The following AHCTF1 variants were observed in gnomAD, a reference collection of about 807,000 sequenced individuals.
The protein encoded by AHCTF1 is protein ELYS.
A neutral mutation model predicts 248.4 loss-of-function variants in AHCTF1; 24 were observed. The observed-to-expected ratio is 0.10, with a 90% confidence interval of 0.07 to 0.14. The LOEUF is 0.14. Among genes scored for constraint, AHCTF1 ranks in the 10% least tolerant of loss-of-function variants. The pLI is 1.00. For missense variants in AHCTF1, 2,206 were observed against 2,636.2 expected, an observed-to-expected ratio of 0.84 and a Z score of 3.57; for synonymous variants, 786 against 929.8, an observed-to-expected ratio of 0.85 and a Z score of 2.81.
At chr1:246,882,866 T>A (rs554392378) in intron 21 of AHCTF1, among the ~76,000 whole-genome samples, 1 of 152,336 alleles carries the variant, frequency 6.6e-6, no homozygotes, top group South Asian at 2.1e-4. Context: ...GCATGAAGTT[T>A]TAGAGAAATG....
In AHCTF1 at chr1:246,877,055, G is replaced by A. The variant is rs373438051; in HGVS notation, c.2832C>T (p.Ser944=). ...EQECLVKFLQ[S]SASVQNHEFL... ...ATTCATGATTCTGAACGCTGGCACT[G>A]GACTGCAAAAATTTCACTAAACATT... The change falls in exon 23 of 36, where the codon TCC becomes TCT. Residue 944 remains serine, a synonymous_variant. Transcript: ENST00000648844. The A allele has an allele frequency of 6.2e-6, 10 of 1,612,104 alleles. No individual in the cohort carries two copies. The highest frequency in any genetic ancestry group is 8.5e-6 in the Non-Finnish European group (10 of 1,179,934).
intron 33 of AHCTF1, among the ~76,000 whole-genome samples, chr1:246,847,750 G>C (rs1043948124): frequency 2.6e-5 from 4 of 152,240 alleles, no homozygotes; most frequent in Admixed American, 6.5e-5. Flanking sequence ...GTTAAAATTA[G>C]TAGGTACAGA....
rs1659965579 is a variant in AHCTF1, at chr1:246,842,694, T to G, written c.6608A>C (p.Lys2203Thr). Residue 2203 changes from lysine (K) to threonine (T), a missense_variant and splice_region_variant, in exon 35 of 36, where the codon AAA becomes ACA. This residue lies in a region of AHCTF1 where 469 missense variants were observed against 470.0 expected (regional missense o/e 1.00). Transcript: ENST00000648844. ...TCAAGAACAGAACAGAAAGTCATAC[T>G]TGCTTGCTTGTTTTGTTTTTGACGT... Reference protein sequence around the residue: ...IRTSKTKQASKNTEKESAWSP... With the variant: ...IRTSKTKQASTNTEKESAWSP... 6.2e-7 allele frequency: 1 copy of G among 1,612,866 alleles called. No homozygotes were observed. The highest frequency in any genetic ancestry group is 8.5e-7 in the Non-Finnish European group (1 of 1,179,772).
At chr1:246,872,864 AAC>A (rs1292966999) in intron 24 of AHCTF1, among the ~76,000 whole-genome samples, 1 of 152,220 alleles carries the variant, frequency 6.6e-6, no homozygotes, top group African/African-American at 2.4e-5. Flanking sequence ...AAACATGTGA[AAC>A]CACAAACTTC....
chr1:246,866,840 G>A (rs1662014984), intron 26 of AHCTF1, among the ~76,000 whole-genome samples: 1 of 152,136 alleles, frequency 6.6e-6, no homozygotes, highest in Non-Finnish European at 1.5e-5. Context: ...ATGTAAACGT[G>A]CTGCATCTGA....
intron 26 of AHCTF1, 45 bp downstream of exon 26, chr1:246,867,199 A>C: frequency 1.0e-6 from 1 of 991,704 alleles, no homozygotes; most frequent in East Asian, 2.6e-5. Flanking sequence ...AATTGTAACT[A>C]TCATCTAACA....
At chr1:246,847,878 A>G (rs1226082677) in intron 33 of AHCTF1, among the ~76,000 whole-genome samples, 1 of 152,154 alleles carries the variant, frequency 6.6e-6, no homozygotes, top group East Asian at 1.9e-4. Context: ...AGGAGTGTAT[A>G]AGTTATGTGA....
intron 12 of AHCTF1, among the ~76,000 whole-genome samples, chr1:246,896,682 G>C (rs1323109240): frequency 3.3e-5 from 5 of 152,102 alleles, no homozygotes; most frequent in Admixed American, 2.0e-4. Context: ...TAAAATCACT[G>C]AACTGTACAC....
At chr1:246,916,508 T>A (rs1325654656) in intron 2 of AHCTF1, 113 bp from the exon 3 acceptor site, 3 of 934,334 alleles carry the variant, frequency 3.2e-6, no homozygotes, top group Non-Finnish European at 3.2e-6. Flanking sequence ...TTACATATTA[T>A]CTCCACATTG....
At chr1:246,868,965 CTG>C (rs1662289349) in intron 24 of AHCTF1, among the ~76,000 whole-genome samples, 1 of 150,540 alleles carries the variant, frequency 6.6e-6, no homozygotes, top group Non-Finnish European at 1.5e-5. Context: ...CTGCCTCAGC[CTG>C]CTGAGTAGCT....
At chr1:246,859,820 C>A (rs1350564194) in intron 29 of AHCTF1, among the ~76,000 whole-genome samples, 1 of 150,454 alleles carries the variant, frequency 6.6e-6, no homozygotes, top group Non-Finnish European at 1.5e-5. Flanking sequence ...TCCCGAAGTG[C>A]TGGTATTACA....
At chr1:246,930,598 A>AG (rs56224319) in intron 1 of AHCTF1, among the ~76,000 whole-genome samples, 29,214 of 148,562 alleles carry the variant, frequency 0.2, 3,166 homozygotes, top group East Asian at 0.3. Flanking sequence ...AAAAAAAAAA[A>AG]GGGGGGGTCT....
chr1:246,845,639 C>T (rs1403375561), intron 33 of AHCTF1, among the ~76,000 whole-genome samples: 1 of 152,174 alleles, frequency 6.6e-6, no homozygotes, highest in Non-Finnish European at 1.5e-5. Context: ...AATATACTAT[C>T]ACATGCAAAA....
At chr1:246,930,245 C>A (rs1182086668) in intron 1 of AHCTF1, among the ~76,000 whole-genome samples, 1 of 152,186 alleles carries the variant, frequency 6.6e-6, no homozygotes, top group African/African-American at 2.4e-5. Context: ...GAGGCTGAAG[C>A]TCAAACGTTC....
intron 3 of AHCTF1, among the ~76,000 whole-genome samples, chr1:246,914,103 T>C (rs1165155107): frequency 6.6e-6 from 1 of 152,218 alleles, no homozygotes; most frequent in African/African-American, 2.4e-5. Flanking sequence ...AGTCATATTT[T>C]TCCCCTTCAT....
intron 21 of AHCTF1, among the ~76,000 whole-genome samples, chr1:246,878,134 A>G (rs1663111166): frequency 6.6e-6 from 1 of 152,074 alleles, no homozygotes; most frequent in Non-Finnish European, 1.5e-5. Flanking sequence ...ATAATGGCTC[A>G]TGCCTGTAAT....
intron 33 of AHCTF1, among the ~76,000 whole-genome samples, chr1:246,845,349 A>G (rs1283693151): frequency 1.3e-5 from 2 of 149,090 alleles, no homozygotes; most frequent in Non-Finnish European, 2.9e-5. Context: ...AGGTGTATAT[A>G]TAAGCATATG....
In AHCTF1 at chr1:246,887,275, G is replaced by A; in HGVS notation, c.2408C>T (p.Ala803Val). ...TPIESFPTVFAISWGQVKLIQ... is the reference protein window; with the variant it reads ...TPIESFPTVFVISWGQVKLIQ... ...AAGTTTAACTTGGCCCCAAGAAATGGCAAATACAGTTGGGAAAGATTCAAT... is the reference window on the plus strand; with the variant it reads ...AAGTTTAACTTGGCCCCAAGAAATGACAAATACAGTTGGGAAAGATTCAAT... Residue 803 changes from alanine to valine, a missense_variant, in exon 20 of 36, where the codon GCC (alanine) becomes GTC (valine). This residue lies in a region of AHCTF1 where 650 missense variants were observed against 870.8 expected (regional missense o/e 0.75). Coordinates refer to ENST00000648844, the MANE Select transcript of AHCTF1 (RefSeq NM_001323342.2). The A allele has an allele frequency of 1.2e-6, 2 of 1,613,420 alleles. No homozygotes were observed. The highest frequency in any genetic ancestry group is 1.7e-6 in the Non-Finnish European group (2 of 1,179,662).
At position 246,885,506 on chromosome 1, in the gene AHCTF1, A is replaced by G; in HGVS notation, c.2647T>C (p.Leu883=). The G allele has an allele frequency of 1.3e-6, 2 of 1,596,664 alleles. No homozygotes were observed. Among genetic ancestry groups the G allele is most frequent in the Non-Finnish European group, 1.7e-6 (2 of 1,170,188 alleles). Residue 883 remains leucine (L), a synonymous_variant, in exon 21 of 36, where the codon TTG becomes CTG. Transcript: ENST00000648844. ...AGATGTACTTACCTATTAAAAAGCA[A>G]AACAGTGAGGTGAAGGATAACATCG... ...GNDVILHLTV[L]LFNRCMVEAW... is the part of the protein sequence containing the mutation.
Sources: gnomAD v4.1 joint callset for allele counts (sites outside exome capture counted in the v4.1 genomes callset) on GRCh38, gnomAD v4.1.1 for gene constraint, gnomAD v4.1.1 regional missense constraint, MANE v1.5 for transcripts, NCBI Gene and HGNC (gene_info 2026-07-23, HGNC 2026-07-21) for gene names.